The following RPS6KA2 variants were observed in gnomAD, a reference collection of about 807,000 sequenced individuals.
RPS6KA2 encodes ribosomal protein S6 kinase alpha-2.
Under a neutral mutation model 91.8 loss-of-function variants are expected in RPS6KA2, and 42 were observed. That is an observed-to-expected ratio of 0.46 (90% CI 0.36 to 0.59). The LOEUF is 0.59. RPS6KA2 is among the 20% of genes least tolerant of loss of function. The probability of loss-of-function intolerance (pLI) is 0.00; values close to 1 mark genes in which losing one functional copy is unlikely to be tolerated. For synonymous variants in RPS6KA2, 414 were observed against 393.6 expected (o/e 1.05, Z -0.61); for missense variants, 798 against 978.5 (o/e 0.82, Z 2.46).
At chr6:166,727,481 A>G (rs1790375503) in intron 2 of RPS6KA2, among the ~76,000 whole-genome samples, 1 of 151,854 alleles carries the variant, frequency 6.6e-6, no homozygotes, top group Non-Finnish European at 1.5e-5. Context: ...GAACATCAGC[A>G]CCCTCAGGTA....
At chr6:166,520,376 T>A (rs1456158344) in intron 3 of RPS6KA2, among the ~76,000 whole-genome samples, 1 of 152,190 alleles carries the variant, frequency 6.6e-6, no homozygotes, top group African/African-American at 2.4e-5. Flanking sequence ...CCACCAGCTC[T>A]CCTGGTTCTC....
rs572487546 is a variant in RPS6KA2 at position 166,495,203 on chromosome 6, G to A, written c.747+3305C>T. Among the ~76,000 whole-genome samples the A allele has an allele frequency of 2.2e-4, 33 of 152,326 alleles. No homozygotes were observed. The highest frequency in any genetic ancestry group is 1.7e-3 in the South Asian group (8 of 4,824). ...AGAAAGAATACCGTCTTTCCTGCCC[G>A]GCTTGGAGATTGTTGGGTTGAGATC... On this transcript the variant is annotated intron_variant, in intron 8 of 20. Coordinates refer to ENST00000265678, the MANE Select transcript of RPS6KA2 (RefSeq NM_021135.6). The surrounding 1 kb of genome is among the most constrained non-coding windows in gnomAD (Gnocchi z 4.4).
At chr6:166,761,157 G>A (rs769129065) in intron 2 of RPS6KA2, among the ~76,000 whole-genome samples, 4 of 152,092 alleles carry the variant, frequency 2.6e-5, no homozygotes, top group South Asian at 4.1e-4. Flanking sequence ...TCCGCCTCCC[G>A]GGTTCAAGCA....
chr6:166,775,699 C>T (rs957602711), intron 2 of RPS6KA2, among the ~76,000 whole-genome samples: 3 of 152,218 alleles, frequency 2.0e-5, no homozygotes, highest in Non-Finnish European at 4.4e-5. Flanking sequence ...CTCTTTCAGA[C>T]GCTTGCTGGC....
At position 166,635,674 on chromosome 6, in the gene RPS6KA2, A is replaced by G. The variant is rs1473582564; in HGVS notation, c.124-96890T>C. On this transcript the variant is annotated intron_variant, in intron 2 of 21. Coordinates refer to the RPS6KA2 transcript ENST00000503859. The surrounding 1 kb of genome is among the most constrained non-coding windows in gnomAD (Gnocchi z 4.8). ...ATGGAGTTTACCCCAGAAGAGGAGG[A>G]AGAGCCCGGGAGGCTTTGGCAGGAG... Among the ~76,000 whole-genome samples, 1 of 152,030 alleles carries G rather than the reference A, an allele frequency of 6.6e-6. No homozygotes were observed. The highest frequency in any genetic ancestry group is 1.5e-5 in the Non-Finnish European group (1 of 67,994).
intron 2 of RPS6KA2, among the ~76,000 whole-genome samples, chr6:166,637,085 T>C (rs942519199): frequency 6.6e-6 from 1 of 152,192 alleles, no homozygotes; most frequent in African/African-American, 2.4e-5. Context: ...GCCTCTGTTG[T>C]TGTAGCCCAG....
chr6:166,801,891 A>C (rs1464198541), intron 2 of RPS6KA2, among the ~76,000 whole-genome samples: 1 of 152,178 alleles, frequency 6.6e-6, no homozygotes, highest in Admixed American at 6.5e-5. Context: ...ATTGAGAAGG[A>C]AAGTCTTTAA....
Position 166,508,376 on chromosome 6 carries a change from T to C in RPS6KA2, c.380-94A>G, listed in dbSNP as rs1002595947. On this transcript the variant is annotated intron_variant, in intron 4 of 20. Transcript: ENST00000265678. This position sits in a 1 kb window ranked among gnomAD's most constrained non-coding sequence, Gnocchi z 4.3. ...TCTCCCTGCTCACGGTGCTGCTTAC[T>C]CCGGGAGGCTGAGTCACTTGAGAAA... 1 of 811,728 alleles carries C rather than the reference T, an allele frequency of 1.2e-6. No individual in the cohort carries two copies. Among genetic ancestry groups the C allele is most frequent in the African/African-American group, 1.7e-5 (1 of 59,650 alleles). 50.3% of individuals were successfully genotyped at this position (811,728 alleles called of 1,614,324 possible). A position where few individuals can be genotyped will look rare whatever the true frequency, so the allele number is the denominator to read the frequency against.
intron 2 of RPS6KA2, chr6:166,757,603 C>A (rs534182655): frequency 1.5e-5 from 7 of 456,120 alleles, no homozygotes; most frequent in South Asian, 9.3e-5. Context: ...TCCCGGGGGC[C>A]GGGCTCCCCT....
chr6:166,592,802 G>A (rs894779715), intron 1 of RPS6KA2, among the ~76,000 whole-genome samples: 1 of 152,120 alleles, frequency 6.6e-6, no homozygotes, highest in East Asian at 1.9e-4. Flanking sequence ...ACAGGCCTTC[G>A]GGGAAACAGA....
chr6:166,684,107 C>A (rs944850929), intron 2 of RPS6KA2, among the ~76,000 whole-genome samples: 1 of 152,172 alleles, frequency 6.6e-6, no homozygotes, highest in Non-Finnish European at 1.5e-5. Context: ...AGGGCCCAAC[C>A]TCCCCAGTGA....
chr6:166,433,926 T>C lies in RPS6KA2; in HGVS notation c.1333-1436A>G, dbSNP rs1172840297. ...TGTGTGCCACCCTACTCAGCTAATT[T>C]TTAAATTCTTTGTAGAGATGATGGG... On this transcript the variant is annotated intron_variant, in intron 14 of 20. Transcript: ENST00000265678. The surrounding 1 kb of genome is among the most constrained non-coding windows in gnomAD (Gnocchi z 4.4). Among the ~76,000 whole-genome samples the C allele has an allele frequency of 6.6e-6, 1 of 152,090 alleles. No individual in the cohort carries two copies. Among genetic ancestry groups the C allele is most frequent in the East Asian group, 1.9e-4 (1 of 5,186 alleles).
chr6:166,714,973 C>A (rs977726361), intron 2 of RPS6KA2, among the ~76,000 whole-genome samples: 2 of 152,240 alleles, frequency 1.3e-5, no homozygotes, highest in South Asian at 4.1e-4. Flanking sequence ...CCTCCCTTCC[C>A]GTCCGGCCTG....
In RPS6KA2 at chr6:166,578,826, A is replaced by T. The variant is rs554721749; in HGVS notation, c.100-40042T>A. 1.2e-4 allele frequency among the ~76,000 whole-genome samples: 19 copies of T among 152,314 alleles called. 1 individual carries two copies. The South Asian group carries it at 2.3e-3, about 18-fold the overall frequency. ...CGCCTCGTGCATTTTCTACACAGAG[A>T]AAAGTGTCAATTGGCCCAGGATATT... On this transcript the variant is annotated intron_variant, in intron 1 of 20. Coordinates refer to ENST00000265678, the MANE Select transcript of RPS6KA2 (RefSeq NM_021135.6).
chr6:166,511,368 C>T (rs1027604215), intron 3 of RPS6KA2, among the ~76,000 whole-genome samples: 12 of 152,160 alleles, frequency 7.9e-5, no homozygotes, highest in South Asian at 2.1e-4. Context: ...GAGGAAGATT[C>T]CTTCTCTCCC....
intron 2 of RPS6KA2, among the ~76,000 whole-genome samples, chr6:166,811,701 C>T (rs913553238): frequency 6.6e-6 from 1 of 152,166 alleles, no homozygotes; most frequent in Admixed American, 6.5e-5. Context: ...GGAAAGCATC[C>T]CCTAACCTTT....
intron 1 of RPS6KA2, among the ~76,000 whole-genome samples, chr6:166,623,667 C>T (rs1246792081): frequency 6.6e-6 from 1 of 152,172 alleles, no homozygotes; most frequent in East Asian, 1.9e-4. Flanking sequence ...TGTCGTGGTT[C>T]TTAGGCAATA....
chr6:166,583,292 A>G (rs1440622982), intron 1 of RPS6KA2, among the ~76,000 whole-genome samples: 4 of 152,184 alleles, frequency 2.6e-5, no homozygotes, highest in African/African-American at 9.6e-5. Context: ...AGCACTCTGC[A>G]CCCTGTAGGA....
chr6:166,567,146 A>G (rs1784531730), intron 1 of RPS6KA2, among the ~76,000 whole-genome samples: 1 of 152,208 alleles, frequency 6.6e-6, no homozygotes, highest in Non-Finnish European at 1.5e-5. Flanking sequence ...CCTTCCGCAG[A>G]ACACCCTGCT....
Sources: allele counts gnomAD v4.1 joint callset (sites outside exome capture counted in the v4.1 genomes callset), GRCh38; gene constraint gnomAD v4.1.1; non-coding constraint Gnocchi (gnomAD v3.1); transcripts MANE v1.5; gene names NCBI Gene and HGNC (gene_info 2026-07-23, HGNC 2026-07-21).